TNRC18: variants seen among roughly 807,000 people sequenced by gnomAD.
The protein encoded by TNRC18 is trinucleotide repeat-containing gene 18 protein.
Under a neutral mutation model 226.7 loss-of-function variants are expected in TNRC18, and 69 were observed. That is an observed-to-expected ratio of 0.30 (90% CI 0.25 to 0.37). The LOEUF is 0.37. TNRC18 is among the 10% of genes least tolerant of loss of function. The pLI, the probability that TNRC18 is intolerant of heterozygous loss-of-function variation, is 1.00. For missense variants in TNRC18, 4,754 were observed against 4,256.6 expected (o/e 1.12, Z -3.25); for synonymous variants, 2,449 against 1,927.6 (o/e 1.27, Z -7.09).
chr7:5,389,123 C>G lies in TNRC18; in HGVS notation c.701G>C (p.Gly234Ala), dbSNP rs1780072015. 7.6e-7 allele frequency: 1 copy of G among 1,319,858 alleles called. No individual in the cohort carries two copies. 81.8% of individuals were successfully genotyped at this position (1,319,858 alleles called of 1,614,324 possible). Residue 234 changes from glycine to alanine, a missense_variant, in exon 5 of 30, where the codon GGG (glycine) becomes GCG (alanine). Gly to Ala is a moderately conservative substitution (Grantham distance 60). Coordinates refer to ENST00000430969, the MANE Select transcript of TNRC18 (RefSeq NM_001080495.3). ...GGTCAGGTCCACCACGCCCCGTGGC[C>G]CCGAGGCCTCCTCGCCCCGGGCGCG... ...DPRARGEEAS[G>A]PRGVVDLTQE... is the part of the protein sequence containing the mutation.
chr7:5,340,312 C>T (rs1247112996), intron 18 of TNRC18, among the ~76,000 whole-genome samples: 1 of 152,180 alleles, frequency 6.6e-6, no homozygotes, highest in Non-Finnish European at 1.5e-5. Flanking sequence ...CTCAATATTC[C>T]TTGAAGCCAA....
Position 5,390,594 on chromosome 7 carries a change from G to C in TNRC18, c.378C>G (p.Ser126=), listed in dbSNP as rs745827402. 3 of 1,611,312 alleles carry C rather than the reference G, an allele frequency of 1.9e-6. No individual in the cohort carries two copies. Among genetic ancestry groups the C allele is most frequent in the Non-Finnish European group, 2.5e-6 (3 of 1,178,802 alleles). ...FSHLPSGLYP[S]YLHLNHLEPP... ...GCTCCAGGTGGTTCAGGTGGAGGTA[G>C]GATGGGTACAGCCCACTGGGCAGGT... is the stretch of plus-strand genomic sequence containing the variant. Residue 126 remains serine, a synonymous_variant, in exon 4 of 30, where the codon TCC becomes TCG. Coordinates refer to ENST00000430969, the MANE Select transcript of TNRC18 (RefSeq NM_001080495.3).
intron 17 of TNRC18, among the ~76,000 whole-genome samples, chr7:5,348,995 C>T (rs1250220641): frequency 6.6e-6 from 1 of 152,048 alleles, no homozygotes; most frequent in Non-Finnish European, 1.5e-5. Context: ...GGGGGTTGGA[C>T]GTGAGGCCAG....
At position 5,394,685 on chromosome 7, in the gene TNRC18, C is replaced by A; in HGVS notation, c.188-90G>T. The A allele has an allele frequency of 5.2e-6, 5 of 967,506 alleles. No individual in the cohort carries two copies. The highest frequency in any genetic ancestry group is 7.7e-6 in the Non-Finnish European group (5 of 652,292). 59.9% of individuals were successfully genotyped at this position (967,506 alleles called of 1,614,324 possible). On this transcript the variant is annotated intron_variant, in intron 2 of 29. Transcript: ENST00000430969. The surrounding 1 kb of genome is among the most constrained non-coding windows in gnomAD (Gnocchi z 4.5). ...CCGCCCCGACCCACCGCCCCGAGACCGCCGCCTCTCCCCAGCTGTGTGGAG... is the reference window on the plus strand; with the variant it reads ...CCGCCCCGACCCACCGCCCCGAGACAGCCGCCTCTCCCCAGCTGTGTGGAG...
chr7:5,374,210 G>A lies in TNRC18; in HGVS notation c.3074C>T (p.Ala1025Val). 4 of 1,438,112 alleles carry A rather than the reference G, an allele frequency of 2.8e-6. No homozygotes were observed. The highest frequency in any genetic ancestry group is 3.7e-6 in the Non-Finnish European group (4 of 1,094,590). 89.1% of individuals were successfully genotyped at this position (1,438,112 alleles called of 1,614,324 possible). A position where few individuals can be genotyped will look rare whatever the true frequency, so the allele number is the denominator to read the frequency against. The change falls in exon 10 of 30, where the codon GCC (alanine) becomes GTC (valine). Residue 1025 changes from alanine to valine, a missense_variant. Ala to Val is a moderately conservative substitution (Grantham distance 64). Coordinates refer to ENST00000430969, the MANE Select transcript of TNRC18 (RefSeq NM_001080495.3). Reference protein sequence around the residue: ...VSKPPAYAYPATPSSHPTSPP... With the variant: ...VSKPPAYAYPVTPSSHPTSPP... ...GCTGGTGGGGTGGGAGCTGGGGGTGGCGGGGTAGGCGTAGGCGGGTGGCTT... is the reference window on the plus strand; with the variant it reads ...GCTGGTGGGGTGGGAGCTGGGGGTGACGGGGTAGGCGTAGGCGGGTGGCTT...
intron 2 of TNRC18, among the ~76,000 whole-genome samples, chr7:5,410,918 G>A (rs1486120748): frequency 6.9e-6 from 1 of 143,932 alleles, no homozygotes; most frequent in African/African-American, 2.6e-5. Context: ...AGAAAAGAAA[G>A]GAGAAGGCTG....
intron 27 of TNRC18, among the ~76,000 whole-genome samples, chr7:5,310,944 G>A (rs1339647527): frequency 2.6e-5 from 4 of 151,284 alleles, no homozygotes; most frequent in African/African-American, 4.9e-5. Flanking sequence ...GTGTGTGCAC[G>A]TGTTTGTGTG....
intron 2 of TNRC18, among the ~76,000 whole-genome samples, chr7:5,399,683 G>T (rs1273504377): frequency 6.6e-6 from 1 of 151,484 alleles, no homozygotes; most frequent in South Asian, 2.1e-4. Context: ...TCCAGCCTGG[G>T]CAACAGTGCG....
chr7:5,355,415 C>T (rs1792256709), intron 16 of TNRC18, among the ~76,000 whole-genome samples: 1 of 151,978 alleles, frequency 6.6e-6, no homozygotes, highest in South Asian at 2.1e-4. Context: ...ATCTCTTGAT[C>T]CCAGGAGTTT....
Position 5,324,340 on chromosome 7 carries a change from C to T in TNRC18, c.6316G>A (p.Gly2106Ser). 3 of 1,613,556 alleles carry T rather than the reference C, an allele frequency of 1.9e-6. No homozygotes were observed. The highest frequency in any genetic ancestry group is 2.5e-6 in the Non-Finnish European group (3 of 1,179,716). Residue 2106 changes from glycine to serine, a missense_variant, in exon 21 of 30, where the codon GGT becomes AGT. Physicochemically the swap from Gly to Ser is moderately conservative, Grantham distance 56. Coordinates refer to ENST00000430969, the MANE Select transcript of TNRC18 (RefSeq NM_001080495.3). The surrounding 1 kb of genome is among the most constrained non-coding windows in gnomAD (Gnocchi z 4.8). ...EVKKENRGKG[G>S]AVSKLMESMA... Reference sequence around the variant, plus strand: ...CTCTCCATCAGCTTGCTCACGGCACCCCCCTTGCCGCGGTTCTGGGGACAG... The same window carrying T: ...CTCTCCATCAGCTTGCTCACGGCACTCCCCTTGCCGCGGTTCTGGGGACAG...
intron 21 of TNRC18, among the ~76,000 whole-genome samples, chr7:5,322,138 T>G (rs1788433496): frequency 6.6e-6 from 1 of 151,908 alleles, no homozygotes; most frequent in Non-Finnish European, 1.5e-5. Flanking sequence ...ATTACCCAGG[T>G]GTGGCAGTGC....
chr7:5,389,053 G>C lies in TNRC18; in HGVS notation c.771C>G (p.Arg257=). 3.1e-6 allele frequency: 4 copies of C among 1,290,740 alleles called. No homozygotes were observed. Among genetic ancestry groups the C allele is most frequent in the Non-Finnish European group, 4.0e-6 (4 of 1,010,400 alleles). 80.0% of individuals were successfully genotyped at this position (1,290,740 alleles called of 1,614,324 possible). A position where few individuals can be genotyped will look rare whatever the true frequency, so the allele number is the denominator to read the frequency against. ...AEGRQDRGPP[R]LAERLSPFLA... ...GGAAGGGCGACAGGCGCTCAGCCAG[G>C]CGCGGGGGCCCCCGGTCCTGGCGGC... Residue 257 remains arginine, a synonymous_variant, in exon 5 of 30, where the codon CGC becomes CGG. Coordinates refer to ENST00000430969, the MANE Select transcript of TNRC18 (RefSeq NM_001080495.3).
intron 4 of TNRC18, chr7:5,389,627 G>A (rs1780141330): frequency 9.3e-6 from 2 of 215,854 alleles, no homozygotes; most frequent in Non-Finnish European, 1.8e-5. Flanking sequence ...GCTAATTATT[G>A]TATTTTTAAT....
chr7:5,421,129 C>G lies in TNRC18; in HGVS notation c.118G>C (p.Ala40Pro). Residue 40 changes from alanine (A) to proline (P), a missense_variant, in exon 2 of 30, where the codon GCC (alanine) becomes CCC (proline). Coordinates refer to ENST00000430969, the MANE Select transcript of TNRC18 (RefSeq NM_001080495.3). Reference sequence around the variant, plus strand: ...GGCAGCGGGCCGGGCAAGCCCGAGGCGGGCAAGCGTCCGGCAGTGGCCGCG... The same window carrying G: ...GGCAGCGGGCCGGGCAAGCCCGAGGGGGGCAAGCGTCCGGCAGTGGCCGCG... ...VGAATAGRLP[A>P]SGLPGPLPPG... 6.9e-7 allele frequency: 1 copy of G among 1,453,550 alleles called. No homozygotes were observed. Among genetic ancestry groups the G allele is most frequent in the Non-Finnish European group, 9.1e-7 (1 of 1,096,718 alleles). 90.0% of individuals were successfully genotyped at this position (1,453,550 alleles called of 1,614,324 possible). A position where few individuals can be genotyped will look rare whatever the true frequency, so the allele number is the denominator to read the frequency against.
chr7:5,383,322 A>T (rs910274018), intron 5 of TNRC18, among the ~76,000 whole-genome samples: 10 of 152,154 alleles, frequency 6.6e-5, no homozygotes, highest in Admixed American at 3.9e-4. Flanking sequence ...CTGAGGCCAG[A>T]CCTAGATCCT....
chr7:5,370,623 T>A lies in TNRC18; in HGVS notation c.3971A>T (p.Glu1324Val), dbSNP rs1440698230. 6.2e-7 allele frequency: 1 copy of A among 1,613,120 alleles called. No homozygotes were observed. The highest frequency in any genetic ancestry group is 1.3e-5 in the African/African-American group (1 of 74,938). ...VPVLGSTCFLEEASSDQFLPS... is the reference protein window; with the variant it reads ...VPVLGSTCFLVEASSDQFLPS... ...CAGGAACTGGTCAGAGCTTGCCTCT[T>A]CCAGGAAGCAGGTGCTGCCGAGTAC... Residue 1324 changes from glutamate to valine, a missense_variant, in exon 11 of 30, where the codon GAA becomes GTA. Transcript: ENST00000430969.
chr7:5,420,616 G>A (rs762814298), intron 2 of TNRC18: 6 of 458,476 alleles, frequency 1.3e-5, no homozygotes, highest in Non-Finnish European at 2.2e-5. Flanking sequence ...GAGTGGTGGA[G>A]CTGGGAACAG....
At chr7:5,350,741 G>A (rs1277238863) in intron 17 of TNRC18, among the ~76,000 whole-genome samples, 1 of 152,228 alleles carries the variant, frequency 6.6e-6, no homozygotes, top group Non-Finnish European at 1.5e-5. Context: ...GAAAGGGCAA[G>A]GCCAGCGGGT....
In TNRC18 at chr7:5,421,219, G is replaced by A; in HGVS notation, c.28C>T (p.Arg10Trp). Residue 10 changes from arginine to tryptophan, a missense_variant, in exon 2 of 30, where the codon CGG (arginine) becomes TGG (tryptophan). Arg to Trp is a moderately radical substitution (Grantham distance 101, BLOSUM62 -3). Transcript: ENST00000430969. MDGRDFGPQ[R>W]SVHGPPPPLL... ...GGCGGCGGGGGACCGTGCACGGACC[G>A]CTGGGGCCCGAAGTCTCGGCCATCC... 2 of 1,320,012 alleles carry A rather than the reference G, an allele frequency of 1.5e-6. No individual in the cohort carries two copies. The highest frequency in any genetic ancestry group is 2.4e-5 in the South Asian group (1 of 42,408). 81.8% of individuals were successfully genotyped at this position (1,320,012 alleles called of 1,614,324 possible). A position where few individuals can be genotyped will look rare whatever the true frequency, so the allele number is the denominator to read the frequency against.
Sources: gnomAD v4.1 joint callset for allele counts (sites outside exome capture counted in the v4.1 genomes callset) on GRCh38, gnomAD v4.1.1 for gene constraint, Gnocchi (gnomAD v3.1) non-coding constraint, MANE v1.5 for transcripts, NCBI Gene and HGNC (gene_info 2026-07-23, HGNC 2026-07-21) for gene names.